Variants in DOCK1 observed in about 807,000 individuals in gnomAD.
The protein encoded by DOCK1 is dedicator of cytokinesis protein 1.
In DOCK1, 138 loss-of-function variants were observed where a neutral mutation model predicts 262.7. That is an observed-to-expected ratio of 0.53 (90% confidence interval 0.46 to 0.61). The LOEUF (loss-of-function observed/expected upper bound fraction) is 0.61. DOCK1 is among the 20% of genes least tolerant of loss of function. The pLI, the probability that DOCK1 is intolerant of heterozygous loss-of-function variation, is 0.00. For synonymous variants in DOCK1, 866 were observed against 867.4 expected, an observed-to-expected ratio of 1.00 and a Z score of 0.03; for missense variants, 1,908 against 2,370.7, an observed-to-expected ratio of 0.80 and a Z score of 4.05.
chr10:127,179,521 T>G (rs1038979911), intron 27 of DOCK1, among the ~76,000 whole-genome samples: 2 of 152,098 alleles, frequency 1.3e-5, no homozygotes, highest in African/African-American at 2.4e-5. Context: ...TCAAATGAGG[T>G]TATGAGTTCT....
chr10:127,268,874 G>A (rs543557345), intron 29 of DOCK1, among the ~76,000 whole-genome samples: 17 of 152,244 alleles, frequency 1.1e-4, no homozygotes, highest in African/African-American at 3.9e-4. Flanking sequence ...TGGCATGTGG[G>A]ACACACGTTG....
At chr10:127,149,355 G>A (rs935490464) in intron 27 of DOCK1, among the ~76,000 whole-genome samples, 1 of 152,118 alleles carries the variant, frequency 6.6e-6, no homozygotes, top group African/African-American at 2.4e-5. Flanking sequence ...CGTACTGGTG[G>A]TTTTCCCCCC....
intron 38 of DOCK1, among the ~76,000 whole-genome samples, chr10:127,396,534 GT>G (rs1454617658): frequency 6.6e-6 from 1 of 152,108 alleles, no homozygotes; most frequent in Non-Finnish European, 1.5e-5. Flanking sequence ...TGCACTTGCT[GT>G]TCCTCTCCTC....
intron 1 of DOCK1, among the ~76,000 whole-genome samples, chr10:126,921,280 T>G (rs1229877226): frequency 6.6e-6 from 1 of 151,316 alleles, no homozygotes; most frequent in African/African-American, 2.4e-5. Flanking sequence ...ACTTAAAAGG[T>G]GGAAACAATT....
intron 25 of DOCK1, among the ~76,000 whole-genome samples, chr10:127,117,281 A>G (rs147866784): frequency 3.0e-4 from 46 of 152,338 alleles, no homozygotes; most frequent in Non-Finnish European, 6.0e-4. Flanking sequence ...CTCAATGCTC[A>G]GATAAGGACA....
At chr10:127,447,609 T>G in intron 51 of DOCK1, 64 bp downstream of exon 51, 1 of 1,577,238 alleles carries the variant, frequency 6.3e-7, no homozygotes, top group Non-Finnish European at 8.6e-7. Flanking sequence ...GACGAGTCCC[T>G]CATTCCAGAT....
At position 127,341,984 on chromosome 10, in the gene DOCK1, C is replaced by T. The variant is rs369788910; in HGVS notation, c.3124-1662C>T. ...CATGAGTGCTCTGGCTCAAAGGCAG[C>T]CCTGGTCCTATGTAGGAAAAGAAAG... On this transcript the variant is annotated intron_variant, in intron 30 of 51. Transcript: ENST00000623213. Among the ~76,000 whole-genome samples, 8 of 152,240 alleles carry T rather than the reference C, an allele frequency of 5.3e-5. No homozygotes were observed. In the East Asian group the frequency reaches 1.4e-3, roughly 26 times the overall value.
chr10:127,015,356 C>G (rs925386780), intron 12 of DOCK1, among the ~76,000 whole-genome samples: 2 of 152,080 alleles, frequency 1.3e-5, no homozygotes, highest in African/African-American at 4.8e-5. Context: ...CCCCCGCCCC[C>G]TCTGCCCCCG....
intron 31 of DOCK1, among the ~76,000 whole-genome samples, chr10:127,346,559 G>A (rs1013189877): frequency 6.6e-6 from 1 of 152,164 alleles, no homozygotes; most frequent in Non-Finnish European, 1.5e-5. Flanking sequence ...TCACACGACT[G>A]CGCTCCAGCC....
At chr10:127,402,397 A>G (rs1055726016) in intron 38 of DOCK1, among the ~76,000 whole-genome samples, 3 of 152,122 alleles carry the variant, frequency 2.0e-5, no homozygotes, top group Non-Finnish European at 4.4e-5. Flanking sequence ...CCAACTATCT[A>G]TCAAAAAATT....
At chr10:126,947,243 G>C (rs914588355) in intron 1 of DOCK1, among the ~76,000 whole-genome samples, 196 of 152,282 alleles carry the variant, frequency 1.3e-3, no homozygotes, top group Admixed American at 2.9e-3. Flanking sequence ...TAATGTGGTT[G>C]ATGATGGTGG....
At chr10:126,984,336 T>C (rs560691312) in intron 4 of DOCK1, among the ~76,000 whole-genome samples, 2 of 152,174 alleles carry the variant, frequency 1.3e-5, no homozygotes, top group Non-Finnish European at 2.9e-5. Flanking sequence ...TATTATTATT[T>C]TTATTTTGTA....
At chr10:127,421,162 G>A (rs959394639) in intron 46 of DOCK1, among the ~76,000 whole-genome samples, 3 of 151,966 alleles carry the variant, frequency 2.0e-5, no homozygotes, top group South Asian at 4.1e-4. Flanking sequence ...CAGGTGATCC[G>A]CCCACCTTGG....
Position 127,000,255 on chromosome 10 carries a change from C to A in DOCK1, c.933C>A (p.Asp311Glu), listed in dbSNP as rs2040491651. The A allele has an allele frequency of 6.2e-7, 1 of 1,614,026 alleles. No homozygotes were observed. The highest frequency in any genetic ancestry group is 8.5e-7 in the Non-Finnish European group (1 of 1,179,898). The part of the protein sequence containing the change: ...IVRVGRMELR[D>E]NNTRKLTSGL... Reference sequence around the variant, plus strand: ...GCGTGGGTCGCATGGAGCTGAGGGACAACAACACCAGGAAACTGACCTCGG... The same window carrying A: ...GCGTGGGTCGCATGGAGCTGAGGGAAAACAACACCAGGAAACTGACCTCGG... Residue 311 changes from aspartate to glutamate, a missense_variant, in exon 10 of 52, where the codon GAC becomes GAA. Asp to Glu is a conservative substitution (Grantham distance 45). This residue lies in a region of DOCK1 where 102 missense variants were observed against 154.9 expected (regional missense o/e 0.66). Transcript: ENST00000623213.
intron 33 of DOCK1, among the ~76,000 whole-genome samples, chr10:127,367,221 G>A (rs570742156): frequency 2.0e-5 from 3 of 152,296 alleles, no homozygotes; most frequent in East Asian, 3.9e-4. Flanking sequence ...CTCTTCAGCC[G>A]CAGTGGCGGG....
intron 29 of DOCK1, among the ~76,000 whole-genome samples, chr10:127,326,754 A>G (rs2062762509): frequency 6.6e-6 from 1 of 152,218 alleles, no homozygotes. Flanking sequence ...CCATTAGAGA[A>G]ATCACTATCT....
intron 47 of DOCK1, among the ~76,000 whole-genome samples, chr10:127,428,400 G>A (rs944111433): frequency 1.7e-4 from 25 of 144,528 alleles, no homozygotes; most frequent in Admixed American, 5.5e-4. Flanking sequence ...TTGGTGTGCT[G>A]TGTGGATTGG....
chr10:127,367,154 A>C (rs1291162034), intron 33 of DOCK1, among the ~76,000 whole-genome samples: 1 of 152,226 alleles, frequency 6.6e-6, no homozygotes, highest in Non-Finnish European at 1.5e-5. Flanking sequence ...TTTTAAAAGC[A>C]TGTGTTACAA....
intron 27 of DOCK1, among the ~76,000 whole-genome samples, chr10:127,168,113 G>T (rs2054246274): frequency 6.6e-6 from 1 of 152,276 alleles, no homozygotes; most frequent in South Asian, 2.1e-4. Context: ...GTGCACGCAG[G>T]TCAGGAGAGG....
Sources: gnomAD v4.1 joint callset for allele counts (sites outside exome capture counted in the v4.1 genomes callset) on GRCh38, gnomAD v4.1.1 for gene constraint, gnomAD v4.1.1 regional missense constraint, MANE v1.5 for transcripts, NCBI Gene and HGNC (gene_info 2026-07-23, HGNC 2026-07-21) for gene names.